MAST4: variants seen among roughly 807,000 people sequenced by gnomAD.
The protein encoded by MAST4 is microtubule-associated serine/threonine-protein kinase 4.
MAST4 carries 89 observed loss-of-function variants against 162.7 expected under a neutral mutation model. That is an observed-to-expected ratio of 0.55 (90% CI 0.46 to 0.65). The LOEUF (loss-of-function observed/expected upper bound fraction) is 0.65, where lower values mean the gene tolerates loss of function less well. MAST4 is among the 30% of genes least tolerant of loss of function. The probability of loss-of-function intolerance (pLI) is 0.00; values close to 1 mark genes in which losing one functional copy is unlikely to be tolerated. For synonymous variants in MAST4, 1,479 were observed against 1,361.1 expected, an observed-to-expected ratio of 1.09 and a Z score of -1.91; for missense variants, 3,153 against 3,374.0, an observed-to-expected ratio of 0.93 and a Z score of 1.62.
chr5:66,884,450 T>G (rs1761907978), intron 3 of MAST4, among the ~76,000 whole-genome samples: 1 of 152,196 alleles, frequency 6.6e-6, no homozygotes, highest in Non-Finnish European at 1.5e-5. Flanking sequence ...TTGGGGAGTA[T>G]GAATAATTCA....
intron 1 of MAST4, among the ~76,000 whole-genome samples, chr5:66,707,988 G>A (rs1353462675): frequency 6.6e-6 from 1 of 152,198 alleles, no homozygotes; most frequent in East Asian, 1.9e-4. Flanking sequence ...GTGCCTGTTT[G>A]TACCAGACTC....
At chr5:67,007,607 G>A (rs899217434) in intron 4 of MAST4, among the ~76,000 whole-genome samples, 1 of 152,132 alleles carries the variant, frequency 6.6e-6, no homozygotes, top group Non-Finnish European at 1.5e-5. Flanking sequence ...GTAAAATTCA[G>A]CTTTGAGCCT....
At chr5:66,998,673 C>A (rs1343405729) in intron 4 of MAST4, among the ~76,000 whole-genome samples, 3 of 152,134 alleles carry the variant, frequency 2.0e-5, no homozygotes, top group African/African-American at 7.2e-5. Context: ...CACCCCTTCA[C>A]CCCCAATCCT....
At chr5:67,010,086 A>G (rs1400588323) in intron 4 of MAST4, among the ~76,000 whole-genome samples, 1 of 152,114 alleles carries the variant, frequency 6.6e-6, no homozygotes, top group African/African-American at 2.4e-5. Context: ...TTTTTCCCCT[A>G]AAGCTCAGTT....
chr5:66,753,670 A>G (rs867905416), intron 1 of MAST4, among the ~76,000 whole-genome samples: 2,143 of 151,488 alleles, frequency 0.014, 33 homozygotes, highest in Middle Eastern at 0.037. Context: ...TAGCTTACCA[A>G]CCAAACAGAG....
At chr5:67,107,654 C>A (rs1274241918) in intron 10 of MAST4, among the ~76,000 whole-genome samples, 1 of 152,238 alleles carries the variant, frequency 6.6e-6, no homozygotes, top group East Asian at 1.9e-4. Context: ...ATTCTGTGCT[C>A]TGTAGGCCTA....
intron 1 of MAST4, among the ~76,000 whole-genome samples, chr5:66,753,158 A>G (rs1753296326): frequency 6.6e-6 from 1 of 152,186 alleles, no homozygotes; most frequent in African/African-American, 2.4e-5. Flanking sequence ...AGCAGTGTGT[A>G]GAGGGAAACT....
chr5:66,894,661 T>G (rs1762566153), intron 3 of MAST4, among the ~76,000 whole-genome samples: 1 of 152,182 alleles, frequency 6.6e-6, no homozygotes, highest in South Asian at 2.1e-4. Flanking sequence ...GATGGGGAAG[T>G]GCATGAACTT....
At chr5:66,675,528 A>G (rs962161593) in intron 1 of MAST4, among the ~76,000 whole-genome samples, 1 of 145,060 alleles carries the variant, frequency 6.9e-6, no homozygotes, top group East Asian at 1.9e-4. Context: ...AGTCTCATGT[A>G]CAAGTCATAA....
At chr5:66,768,980 G>T (rs1754238320) in intron 2 of MAST4, among the ~76,000 whole-genome samples, 1 of 152,112 alleles carries the variant, frequency 6.6e-6, no homozygotes, top group South Asian at 2.1e-4. Context: ...GGTTCAGTTG[G>T]GAGGGTTATA....
intron 1 of MAST4, among the ~76,000 whole-genome samples, chr5:66,753,102 A>C (rs1417980858): frequency 6.6e-6 from 1 of 151,940 alleles, no homozygotes; most frequent in African/African-American, 2.4e-5. Context: ...TTTGAAACCA[A>C]CGAGAACAAA....
chr5:66,803,323 A>C lies in MAST4; in HGVS notation c.642+14529A>C, dbSNP rs141671897. ...AACAAGCCTAAATAACTAGTCAAGA[A>C]AGTTCCCTCATGCCATGGTTGTTCT... On this transcript the variant is annotated intron_variant, in intron 3 of 28. Coordinates refer to ENST00000403625, the MANE Select transcript of MAST4 (RefSeq NM_001164664.2). Among the ~76,000 whole-genome samples the C allele has an allele frequency of 7.6e-4, 116 of 152,234 alleles. 2 individuals carry two copies. The highest frequency in any genetic ancestry group is 2.7e-3 in the African/African-American group (113 of 41,560).
Position 66,729,097 on chromosome 5 carries a change from G to A in MAST4, c.364-30612G>A, listed in dbSNP as rs75183901. 6.0e-3 allele frequency among the ~76,000 whole-genome samples: 908 copies of A among 152,282 alleles called. 10 individuals are homozygous for A. Among genetic ancestry groups the A allele is most frequent in the African/African-American group, 0.021 (867 of 41,556 alleles). The stretch of plus-strand genomic sequence containing the variant: ...TCTTAAATTTGCATTTTAGAAAAGG[G>A]AAAGAAGTGCAACAGCACTTAACTG... On this transcript the variant is annotated intron_variant, in intron 1 of 28. Transcript: ENST00000403625.
intron 5 of MAST4, among the ~76,000 whole-genome samples, chr5:67,083,672 C>T (rs556804006): frequency 6.9e-4 from 105 of 152,170 alleles, no homozygotes; most frequent in Admixed American, 1.0e-3. Context: ...AGAGTTTTAT[C>T]CAGATTCAGT....
chr5:66,909,293 GTAT>G (rs1763590224), intron 4 of MAST4, among the ~76,000 whole-genome samples: 1 of 152,174 alleles, frequency 6.6e-6, no homozygotes, highest in Admixed American at 6.5e-5. Context: ...TTCTGGCTCA[GTAT>G]TATTAGGCCG....
At chr5:67,029,053 T>C (rs1424655523) in intron 4 of MAST4, among the ~76,000 whole-genome samples, 2 of 151,958 alleles carry the variant, frequency 1.3e-5, no homozygotes, top group East Asian at 3.9e-4. Flanking sequence ...GAAGATCACT[T>C]GAGCCTGGGA....
chr5:67,123,914 C>A (rs1280269840), intron 14 of MAST4, among the ~76,000 whole-genome samples: 1 of 149,194 alleles, frequency 6.7e-6, no homozygotes, highest in Non-Finnish European at 1.5e-5. Context: ...CACATGCTAT[C>A]CCTGTAGTCT....
chr5:66,612,156 G>A (rs150053276), intron 1 of MAST4, among the ~76,000 whole-genome samples: 16 of 152,290 alleles, frequency 1.1e-4, no homozygotes, highest in Admixed American at 9.8e-4. Flanking sequence ...AAGTACTGGG[G>A]AGGTGAGTGG....
intron 4 of MAST4, among the ~76,000 whole-genome samples, chr5:67,030,909 T>C (rs1413407224): frequency 3.9e-5 from 6 of 152,188 alleles, no homozygotes; most frequent in African/African-American, 9.7e-5. Flanking sequence ...TTAACTGTTA[T>C]GGTGAAATTT....
Sources: allele counts gnomAD v4.1 joint callset (sites outside exome capture counted in the v4.1 genomes callset), GRCh38; gene constraint gnomAD v4.1.1; transcripts MANE v1.5; gene names NCBI Gene and HGNC (gene_info 2026-07-23, HGNC 2026-07-21).